The following VHL variants were observed in gnomAD, a reference collection of about 807,000 sequenced individuals.
The protein encoded by VHL is von Hippel-Lindau tumor suppressor, also known as von Hippel-Lindau disease tumor suppressor.
VHL carries 10 observed loss-of-function variants against 19.2 expected under a neutral mutation model. That is an observed-to-expected ratio of 0.52 (90% CI 0.32 to 0.89). VHL has a LOEUF of 0.89. Ranked by LOEUF, VHL falls within the 40% of genes least tolerant of loss-of-function variation. The pLI is 0.03. For missense variants in VHL, 328 were observed against 292.7 expected, an observed-to-expected ratio of 1.12 and a Z score of -0.88; for synonymous variants, 167 against 129.5, an observed-to-expected ratio of 1.29 and a Z score of -1.97.
chr3:10,153,351 C>A lies in VHL; in HGVS notation c.*3386C>A, dbSNP rs554694937. On this transcript the variant is annotated 3_prime_UTR_variant, in exon 3 of 3. Coordinates refer to ENST00000256474, the MANE Select transcript of VHL (RefSeq NM_000551.4). ...CTGTGAGGCAGGCGAATCTCTTGAACCCGGGAGGCGGAGGTTGCAGTGAGC... is the reference window on the plus strand; with the variant it reads ...CTGTGAGGCAGGCGAATCTCTTGAAACCGGGAGGCGGAGGTTGCAGTGAGC... Among the ~76,000 whole-genome samples, 1 of 151,762 alleles carries A rather than the reference C, an allele frequency of 6.6e-6. No homozygotes were observed. The highest frequency in any genetic ancestry group is 1.9e-4 in the East Asian group (1 of 5,158).
In VHL at chr3:10,141,882, A is replaced by T. The variant is rs1380706798; in HGVS notation, c.35A>T (p.Glu12Val). Residue 12 changes from glutamate to valine, a missense_variant, in exon 1 of 3, where the codon GAG becomes GTG. By Grantham distance (121) the Glu-to-Val change is moderately radical. Transcript: ENST00000256474. ...PRRAENWDEA[E>V]VGAEEAGVEE... ...AGGGCGGAGAACTGGGACGAGGCCG[A>T]GGTAGGCGCGGAGGAGGCAGGCGTC... is the stretch of plus-strand genomic sequence containing the variant. 6.5e-7 allele frequency: 1 copy of T among 1,533,660 alleles called. No homozygotes were observed. Among genetic ancestry groups the T allele is most frequent in the African/African-American group, 1.4e-5 (1 of 72,424 alleles).
chr3:10,149,724 C>T (rs961458931), intron 2 of VHL, 63 bp from the exon 3 acceptor site: 8 of 1,452,710 alleles, frequency 5.5e-6, no homozygotes, highest in Non-Finnish European at 7.7e-6. Flanking sequence ...GGCAAAGCCT[C>T]TTGTTCGTTC....
At chr3:10,148,756 C>T (rs1696329156) in intron 2 of VHL, among the ~76,000 whole-genome samples, 1 of 150,588 alleles carries the variant, frequency 6.6e-6, no homozygotes, top group Non-Finnish European at 1.5e-5. Context: ...TCTTGGCTCA[C>T]TGCAACCTCT....
Position 10,141,982 on chromosome 3 carries a change from G to A in VHL, c.135G>A (p.Pro45=), listed in dbSNP as rs773519476. ...AEESGPEESG[P]EELGAEEEME... ...AGTCCGGCCCGGAAGAGTCCGGCCC[G>A]GAGGAACTGGGCGCCGAGGAGGAGA... The change falls in exon 1 of 3, where the codon CCG becomes CCA. Residue 45 remains proline, a synonymous_variant. Transcript: ENST00000256474. 9.6e-6 allele frequency: 15 copies of A among 1,567,260 alleles called. No homozygotes were observed. The African/African-American group carries it at 1.5e-4, about 16-fold the overall frequency.
At chr3:10,144,734 C>G (rs1696214343) in intron 1 of VHL, among the ~76,000 whole-genome samples, 1 of 151,796 alleles carries the variant, frequency 6.6e-6, no homozygotes, top group African/African-American at 2.4e-5. Context: ...GTTGCCCAGG[C>G]TGAGACCTCA....
In VHL at chr3:10,150,965, C is replaced by G. The variant is rs1306649822; in HGVS notation, c.*1000C>G. On this transcript the variant is annotated 3_prime_UTR_variant, in exon 3 of 3. Coordinates refer to ENST00000256474, the MANE Select transcript of VHL (RefSeq NM_000551.4). Reference sequence around the variant, plus strand: ...CTGGAGTGCAGTGGCGCCATCTCGGCTCACTGCAACCTCTGCCTCCTGGGT... The same window carrying G: ...CTGGAGTGCAGTGGCGCCATCTCGGGTCACTGCAACCTCTGCCTCCTGGGT... 5.0e-6 allele frequency: 1 copy of G among 200,668 alleles called. No individual in the cohort carries two copies. The highest frequency in any genetic ancestry group is 6.0e-5 in the Admixed American group (1 of 16,616). The allele number at this position is 200,668 out of a possible 1,614,324, so 12.4% of individuals were successfully genotyped here. A position where few individuals can be genotyped will look rare whatever the true frequency, so the allele number is the denominator to read the frequency against.
chr3:10,150,491 C>G lies in VHL; in HGVS notation c.*526C>G. The G allele has an allele frequency of 4.1e-6, 2 of 488,862 alleles. No individual in the cohort carries two copies. The highest frequency in any genetic ancestry group is 4.6e-5 in the Admixed American group (1 of 21,590). The allele number at this position is 488,862 out of a possible 1,614,324, so 30.3% of individuals were successfully genotyped here. A position where few individuals can be genotyped will look rare whatever the true frequency, so the allele number is the denominator to read the frequency against. The stretch of plus-strand genomic sequence containing the variant: ...CTTCAGTCAGGGTTTGTCAGAGGAA[C>G]AAACCAGGGGACACTTTGTTAGAAA... On this transcript the variant is annotated 3_prime_UTR_variant, in exon 3 of 3. Coordinates refer to ENST00000256474, the MANE Select transcript of VHL (RefSeq NM_000551.4).
At chr3:10,142,521 T>G (rs1236398162) in intron 1 of VHL, 1 of 335,806 alleles carries the variant, frequency 3.0e-6, no homozygotes, top group African/African-American at 2.2e-5. Flanking sequence ...GATTTTTATA[T>G]TTTTAGTAGA....
Position 10,142,170 on chromosome 3 carries a change from G to T in VHL, c.323G>T (p.Arg108Leu), listed in dbSNP as rs367594943. ...ACGCTGCCGCCTGGCACGGGCCGCCGCATCCACAGCTACCGAGGTACGGGC... is the reference window on the plus strand; with the variant it reads ...ACGCTGCCGCCTGGCACGGGCCGCCTCATCCACAGCTACCGAGGTACGGGC... ...YPTLPPGTGR[R>L]IHSYRGHLWL... is the part of the protein sequence containing the mutation. Residue 108 changes from arginine (R) to leucine (L), a missense_variant, in exon 1 of 3, where the codon CGC becomes CTC. Coordinates refer to ENST00000256474, the MANE Select transcript of VHL (RefSeq NM_000551.4). The T allele has an allele frequency of 6.3e-7, 1 of 1,598,464 alleles. No individual in the cohort carries two copies. Among genetic ancestry groups the T allele is most frequent in the Non-Finnish European group, 8.5e-7 (1 of 1,179,450 alleles).
intron 2 of VHL, among the ~76,000 whole-genome samples, chr3:10,148,604 G>A (rs1377339487): frequency 2.6e-5 from 4 of 151,642 alleles, no homozygotes; most frequent in East Asian, 3.9e-4. Flanking sequence ...GTGAGCCACC[G>A]CGCCCGGCCT....
chr3:10,146,612 A>G lies in VHL; in HGVS notation c.439A>G (p.Ile147Val), dbSNP rs1057517560. 2.7e-5 allele frequency: 43 copies of G among 1,613,852 alleles called. No individual in the cohort carries two copies. The highest frequency in any genetic ancestry group is 3.4e-5 in the Non-Finnish European group (40 of 1,179,922). ...ATCTCTCAATGTTGACGGACAGCCT[A>G]TTTTTGCCAATATCACACTGCCAGG... is the stretch of plus-strand genomic sequence containing the variant. ...VPSLNVDGQP[I>V]FANITLPVYT... The change falls in exon 2 of 3, where the codon ATT (isoleucine) becomes GTT (valine). Residue 147 changes from isoleucine (I) to valine (V), a missense_variant. Coordinates refer to ENST00000256474, the MANE Select transcript of VHL (RefSeq NM_000551.4).
In VHL at chr3:10,149,920, G is replaced by A. The variant is rs1387975369; in HGVS notation, c.597G>A (p.Glu199=). Residue 199 remains glutamate, a synonymous_variant, in exon 3 of 3, where the codon GAG becomes GAA. Coordinates refer to ENST00000256474, the MANE Select transcript of VHL (RefSeq NM_000551.4). ...EDHPNVQKDL[E]RLTQERIAHQ... Reference sequence around the variant, plus strand: ...ACCCAAATGTGCAGAAAGACCTGGAGCGGCTGACACAGGAGCGCATTGCAC... The same window carrying A: ...ACCCAAATGTGCAGAAAGACCTGGAACGGCTGACACAGGAGCGCATTGCAC... The A allele has an allele frequency of 6.2e-7, 1 of 1,614,198 alleles. No individual in the cohort carries two copies. The highest frequency in any genetic ancestry group is 2.2e-5 in the East Asian group (1 of 44,892).
chr3:10,148,609 C>G (rs112782301), intron 2 of VHL, among the ~76,000 whole-genome samples: 13 of 151,246 alleles, frequency 8.6e-5, no homozygotes, highest in African/African-American at 3.2e-4. Flanking sequence ...CCACCGCGCC[C>G]GGCCTAGATT....
intron 1 of VHL, chr3:10,142,566 GAA>G: frequency 3.9e-6 from 1 of 254,356 alleles, no homozygotes; most frequent in South Asian, 4.4e-5. Flanking sequence ...GGCTGGTCTC[GAA>G]CTGCTGACCT....
intron 1 of VHL, 113 bp downstream of exon 1, chr3:10,142,300 G>T: frequency 8.7e-7 from 1 of 1,145,192 alleles, no homozygotes. Context: ...CTTGAGGCAG[G>T]ACACATCCAG....
rs552980100 is a variant in VHL, at chr3:10,148,575, A to G, written c.464-1212A>G. Among the ~76,000 whole-genome samples the G allele has an allele frequency of 6.2e-3, 946 of 151,710 alleles. 8 individuals are homozygous for G. Among genetic ancestry groups the G allele is most frequent in the South Asian group, 0.011 (54 of 4,810 alleles). On this transcript the variant is annotated intron_variant, in intron 2 of 2. Transcript: ENST00000256474. ...GTGATCCGCCCGCCTCGGCCTCCCA[A>G]AGTGCTGGGATTACAGGCGTGAGCC...
At chr3:10,147,311 A>G (rs995247557) in intron 2 of VHL, among the ~76,000 whole-genome samples, 9 of 145,932 alleles carry the variant, frequency 6.2e-5, no homozygotes, top group East Asian at 2.1e-4. Flanking sequence ...CACCTGGCCT[A>G]TGTATTTTCA....
chr3:10,142,144 A>T lies in VHL; in HGVS notation c.297A>T (p.Pro99=), dbSNP rs774753107. 6.3e-7 allele frequency: 1 copy of T among 1,599,634 alleles called. No individual in the cohort carries two copies. Among genetic ancestry groups the T allele is most frequent in the South Asian group, 1.1e-5 (1 of 91,016 alleles). Residue 99 remains proline, a synonymous_variant, in exon 1 of 3, where the codon CCA becomes CCT. Transcript: ENST00000256474. ...TCGACGGCGAGCCGCAGCCCTACCC[A>T]ACGCTGCCGCCTGGCACGGGCCGCC... is the stretch of plus-strand genomic sequence containing the variant. ...LNFDGEPQPY[P]TLPPGTGRRI... is the part of the protein sequence containing the mutation.
rs1392140861 is a variant in VHL at position 10,148,378 on chromosome 3, G to T, written c.464-1409G>T. 1.8e-4 allele frequency among the ~76,000 whole-genome samples: 27 copies of T among 147,692 alleles called. No individual in the cohort carries two copies. The South Asian group carries it at 2.8e-3, about 15-fold the overall frequency. Reference sequence around the variant, plus strand: ...CGCCCAGGCTGGAGTGCAGTGGCGGGATCTCGGCTCACTGCAAGCTCCGCC... The same window carrying T: ...CGCCCAGGCTGGAGTGCAGTGGCGGTATCTCGGCTCACTGCAAGCTCCGCC... On this transcript the variant is annotated intron_variant, in intron 2 of 2. Coordinates refer to ENST00000256474, the MANE Select transcript of VHL (RefSeq NM_000551.4).
Sources: gnomAD v4.1 joint callset for allele counts (sites outside exome capture counted in the v4.1 genomes callset) on GRCh38, gnomAD v4.1.1 for gene constraint, MANE v1.5 for transcripts, NCBI Gene and HGNC (gene_info 2026-07-23, HGNC 2026-07-21) for gene names.